The following ULK4 variants were observed in gnomAD, a reference collection of about 807,000 sequenced individuals.
ULK4 encodes unc-51 like kinase 4.
A neutral mutation model predicts 160.6 loss-of-function variants in ULK4; 133 were observed. The observed-to-expected ratio is 0.83, with a 90% confidence interval of 0.72 to 0.96. The LOEUF (loss-of-function observed/expected upper bound fraction) is 0.96. ULK4 is among the 40% of genes least tolerant of loss of function. The pLI is 0.00. For synonymous variants in ULK4, 534 were observed against 539.8 expected, an observed-to-expected ratio of 0.99 and a Z score of 0.15; for missense variants, 1,580 against 1,499.5, an observed-to-expected ratio of 1.05 and a Z score of -0.89.
chr3:41,268,887 A>G (rs139343298), intron 35 of ULK4, among the ~76,000 whole-genome samples: 91 of 151,578 alleles, frequency 6.0e-4, no homozygotes, highest in African/African-American at 2.1e-3. Flanking sequence ...CTTCAGATGA[A>G]GGCTTTCCAC....
At chr3:41,953,302 ATAT>A (rs1446702261) in intron 2 of ULK4, among the ~76,000 whole-genome samples, 7 of 108,032 alleles carry the variant, frequency 6.5e-5, no homozygotes, top group African/African-American at 2.8e-4. Flanking sequence ...ATATATATAT[ATAT>A]TTTTTTTTTT....
intron 4 of ULK4, among the ~76,000 whole-genome samples, chr3:41,932,669 A>C (rs1699638793): frequency 2.0e-5 from 3 of 152,218 alleles, no homozygotes; most frequent in Admixed American, 6.5e-5. Flanking sequence ...CCAGTAACTA[A>C]TGTTCTGTTA....
intron 32 of ULK4, among the ~76,000 whole-genome samples, chr3:41,521,843 T>C (rs1289909666): frequency 1.3e-5 from 2 of 152,206 alleles, no homozygotes; most frequent in Non-Finnish European, 2.9e-5. Context: ...ACCAAATAAG[T>C]TGTAGACTCT....
intron 20 of ULK4, among the ~76,000 whole-genome samples, chr3:41,796,005 T>C (rs73073337): frequency 0.12 from 18,839 of 152,202 alleles, 1,348 homozygotes; most frequent in Middle Eastern, 0.27. Flanking sequence ...TGTCTAGCCC[T>C]TTGCTTTCCT....
At chr3:41,470,349 C>G (rs1376041276) in intron 32 of ULK4, among the ~76,000 whole-genome samples, 3 of 152,236 alleles carry the variant, frequency 2.0e-5, no homozygotes, top group African/African-American at 7.2e-5. Context: ...GGAAAAAATG[C>G]TGCCAAACAA....
intron 32 of ULK4, among the ~76,000 whole-genome samples, chr3:41,565,114 G>C (rs540204374): frequency 6.6e-6 from 1 of 152,318 alleles, no homozygotes; most frequent in South Asian, 2.1e-4. Context: ...CAGCCTAGGT[G>C]TATAGTAGGC....
intron 4 of ULK4, among the ~76,000 whole-genome samples, chr3:41,934,882 A>T (rs1699709664): frequency 6.6e-6 from 1 of 152,150 alleles, no homozygotes; most frequent in Non-Finnish European, 1.5e-5. Flanking sequence ...TCTTATAGAC[A>T]TATTGGGTTC....
At chr3:41,399,471 T>C (rs1306889029) in intron 34 of ULK4, among the ~76,000 whole-genome samples, 1 of 152,232 alleles carries the variant, frequency 6.6e-6, no homozygotes, top group Admixed American at 6.5e-5. Flanking sequence ...CTTGATACTG[T>C]CCTTTGAAGT....
At chr3:41,288,325 G>T (rs971424896) in intron 35 of ULK4, among the ~76,000 whole-genome samples, 17 of 152,066 alleles carry the variant, frequency 1.1e-4, no homozygotes, top group African/African-American at 3.9e-4. Flanking sequence ...TAAGCACCAG[G>T]GCAGTTTCTG....
intron 29 of ULK4, 102 bp from the exon 30 acceptor site, chr3:41,663,801 G>T: frequency 1.1e-6 from 1 of 950,174 alleles, no homozygotes; most frequent in South Asian, 1.4e-5. Context: ...AAGACAGAAA[G>T]ATATTTTACA....
At position 41,285,655 on chromosome 3, in the gene ULK4, T is replaced by C. The variant is rs374124691; in HGVS notation, c.3679-36081A>G. Among the ~76,000 whole-genome samples, 4 of 152,182 alleles carry C rather than the reference T, an allele frequency of 2.6e-5. No homozygotes were observed. The East Asian group carries it at 5.8e-4, about 22-fold the overall frequency. On this transcript the variant is annotated intron_variant, in intron 35 of 36. Coordinates refer to ENST00000301831, the MANE Select transcript of ULK4 (RefSeq NM_017886.4). ...AGGGTGCAGAGTATACTGTGAGTGA[T>C]GGGTGCACCAAACTGTCACAAGTCA...
At chr3:41,557,475 A>G (rs554684989) in intron 32 of ULK4, among the ~76,000 whole-genome samples, 4 of 152,100 alleles carry the variant, frequency 2.6e-5, no homozygotes, top group Admixed American at 2.0e-4. Context: ...AAAACAACAG[A>G]TTGCGGCCAG....
intron 27 of ULK4, among the ~76,000 whole-genome samples, chr3:41,703,216 C>T (rs113743003): frequency 0.036 from 4,859 of 135,488 alleles, 227 homozygotes; most frequent in African/African-American, 0.12. Flanking sequence ...GAACACTGCA[C>T]GGAACAGCTG....
intron 35 of ULK4, among the ~76,000 whole-genome samples, chr3:41,325,831 A>C (rs2080330270): frequency 6.6e-6 from 1 of 152,078 alleles, no homozygotes; most frequent in Non-Finnish European, 1.5e-5. Flanking sequence ...AGGCAGGTGA[A>C]TTGCTAGAAC....
At chr3:41,519,839 A>T (rs2085872811) in intron 32 of ULK4, among the ~76,000 whole-genome samples, 1 of 152,200 alleles carries the variant, frequency 6.6e-6, no homozygotes, top group South Asian at 2.1e-4. Flanking sequence ...TTGCATATGT[A>T]TCAACTTAAA....
At chr3:41,836,838 A>C (rs2041773127) in intron 17 of ULK4, among the ~76,000 whole-genome samples, 1 of 152,176 alleles carries the variant, frequency 6.6e-6, no homozygotes, top group Non-Finnish European at 1.5e-5. Context: ...ACATACACTC[A>C]TTGCCAGAGT....
At chr3:41,674,248 T>C (rs551516852) in intron 29 of ULK4, among the ~76,000 whole-genome samples, 1 of 152,258 alleles carries the variant, frequency 6.6e-6, no homozygotes, top group South Asian at 2.1e-4. Context: ...ATGTAACAAG[T>C]CTCAGAAAAA....
chr3:41,294,145 A>G (rs555145599), intron 35 of ULK4, among the ~76,000 whole-genome samples: 1 of 152,316 alleles, frequency 6.6e-6, no homozygotes, highest in Admixed American at 6.5e-5. Context: ...ATGGGGCCTA[A>G]TGGGAGGTGA....
intron 32 of ULK4, among the ~76,000 whole-genome samples, chr3:41,564,449 C>CT (rs71075476): frequency 0.021 from 1,710 of 80,960 alleles, 142 homozygotes; most frequent in East Asian, 0.083. Context: ...TCTTCTTCTT[C>CT]TTTTTTTTTT....
Sources: allele counts gnomAD v4.1 joint callset (sites outside exome capture counted in the v4.1 genomes callset), GRCh38; gene constraint gnomAD v4.1.1; transcripts MANE v1.5; gene names NCBI Gene and HGNC (gene_info 2026-07-23, HGNC 2026-07-21).